The following MSL2 variants were observed in gnomAD, a reference collection of about 807,000 sequenced individuals.
MSL2 encodes E3 ubiquitin-protein ligase MSL2.
MSL2 carries 2 observed loss-of-function variants against 35.8 expected under a neutral mutation model. The observed-to-expected ratio is 0.06, with a 90% confidence interval of 0.02 to 0.18. MSL2 has a LOEUF of 0.18. Among genes scored for constraint, MSL2 ranks in the 10% least tolerant of loss-of-function variants. MSL2 has a pLI of 1.00. For missense variants in MSL2, 523 were observed against 706.7 expected (o/e 0.74, Z 2.95); for synonymous variants, 296 against 255.7 (o/e 1.16, Z -1.50).
Position 136,195,320 on chromosome 3 carries a change from G to A in MSL2, c.-207C>T, listed in dbSNP as rs938615719. 17 of 1,361,510 alleles carry A rather than the reference G, an allele frequency of 1.2e-5. No individual in the cohort carries two copies. In the African/African-American group the frequency reaches 1.3e-4, roughly 11 times the overall value. The allele number at this position is 1,361,510 out of a possible 1,614,324, so 84.3% of individuals were successfully genotyped here. A position where few individuals can be genotyped will look rare whatever the true frequency, so the allele number is the denominator to read the frequency against. Reference sequence around the variant, plus strand: ...GGGGCCTTGGCGCCCCTCCGTCCCTGAGACTTCCAGACCAAAAATATGAGA... The same window carrying A: ...GGGGCCTTGGCGCCCCTCCGTCCCTAAGACTTCCAGACCAAAAATATGAGA... On this transcript the variant is annotated 5_prime_UTR_variant, in exon 1 of 2. Transcript: ENST00000309993.
chr3:136,172,430 C>T (rs1940054335), intron 1 of MSL2, among the ~76,000 whole-genome samples: 4 of 152,220 alleles, frequency 2.6e-5, no homozygotes, highest in Admixed American at 2.0e-4. Context: ...CCACCTTCAA[C>T]CTTCCTTCCT....
intron 1 of MSL2, among the ~76,000 whole-genome samples, chr3:136,154,503 G>A (rs536469685): frequency 4.9e-4 from 75 of 151,620 alleles, no homozygotes; most frequent in Non-Finnish European, 3.2e-4. Flanking sequence ...ATTACCCAAA[G>A]CGGTACCTCT....
chr3:136,156,239 G>C (rs1939517454), intron 1 of MSL2, among the ~76,000 whole-genome samples: 1 of 152,150 alleles, frequency 6.6e-6, no homozygotes, highest in Non-Finnish European at 1.5e-5. Flanking sequence ...GAGTACAGCT[G>C]ATCAAAATCA....
chr3:136,180,392 T>C (rs1221474977), intron 1 of MSL2, among the ~76,000 whole-genome samples: 1 of 152,038 alleles, frequency 6.6e-6, no homozygotes, highest in East Asian at 1.9e-4. Context: ...CTTTTTGAAA[T>C]ATTACCAAGG....
At chr3:136,164,718 G>C (rs1028983420) in intron 1 of MSL2, among the ~76,000 whole-genome samples, 1 of 152,096 alleles carries the variant, frequency 6.6e-6, no homozygotes, top group South Asian at 2.1e-4. Flanking sequence ...AAAATAAAAT[G>C]GATGGGCAAT....
intron 1 of MSL2, among the ~76,000 whole-genome samples, chr3:136,189,627 G>A (rs1940626801): frequency 6.6e-6 from 1 of 151,036 alleles, no homozygotes; most frequent in East Asian, 2.0e-4. Context: ...AGGAGGCTGA[G>A]GCAGGAGAAT....
rs540577071 is a variant in MSL2 at position 136,192,124 on chromosome 3, G to GT, written c.142+2847dup. 2.2e-3 allele frequency among the ~76,000 whole-genome samples: 335 copies of GT among 152,330 alleles called. 1 individual carries two copies. The highest frequency in any genetic ancestry group is 7.7e-3 in the African/African-American group (318 of 41,568). The stretch of plus-strand genomic sequence containing the variant: ...AAATCTGCACTCAAAGGAGATATAA[G>GT]TATCTTATGACTGGAACAAAGGTTT... On this transcript the variant is annotated intron_variant, in intron 1 of 1. Transcript: ENST00000309993.
intron 1 of MSL2, among the ~76,000 whole-genome samples, chr3:136,189,721 CAA>C (rs375444164): frequency 3.6e-4 from 18 of 50,202 alleles, no homozygotes; most frequent in Admixed American, 7.0e-4. Flanking sequence ...GACGCCGTCT[CAA>C]AAAAAAAAAA....
intron 1 of MSL2, among the ~76,000 whole-genome samples, chr3:136,192,470 A>G (rs1940718162): frequency 6.6e-6 from 1 of 152,158 alleles, no homozygotes; most frequent in African/African-American, 2.4e-5. Flanking sequence ...CCTGGCCAGA[A>G]GTAACTTTTT....
At chr3:136,191,354 G>C (rs979600243) in intron 1 of MSL2, among the ~76,000 whole-genome samples, 2 of 151,696 alleles carry the variant, frequency 1.3e-5, no homozygotes, top group Non-Finnish European at 2.9e-5. Context: ...GTAATCCCAA[G>C]CTACTCGGGA....
intron 1 of MSL2, among the ~76,000 whole-genome samples, chr3:136,194,201 G>GC (rs1472038755): frequency 2.0e-5 from 3 of 152,066 alleles, no homozygotes; most frequent in Non-Finnish European, 4.4e-5. Context: ...TATTACACAC[G>GC]CACAGTTAAC....
chr3:136,190,971 T>G (rs1043991437), intron 1 of MSL2, among the ~76,000 whole-genome samples: 3 of 152,104 alleles, frequency 2.0e-5, no homozygotes, highest in Non-Finnish European at 4.4e-5. Flanking sequence ...AAACAAGCAG[T>G]GATAATCAGC....
intron 1 of MSL2, among the ~76,000 whole-genome samples, chr3:136,156,960 A>G (rs1201533337): frequency 6.6e-6 from 1 of 152,238 alleles, no homozygotes; most frequent in Non-Finnish European, 1.5e-5. Flanking sequence ...TTAGTTGTAA[A>G]CCGAGTGATA....
Position 136,152,128 on chromosome 3 carries a change from A to G in MSL2, c.753T>C (p.Ile251=), listed in dbSNP as rs1290203001. Residue 251 remains isoleucine, a synonymous_variant, in exon 2 of 2, where the codon ATT becomes ATC. Coordinates refer to ENST00000309993, the MANE Select transcript of MSL2 (RefSeq NM_018133.4). The part of the protein sequence containing the change: ...TVATDLCSTG[I]DICSFSEDIK... The stretch of plus-strand genomic sequence containing the variant: ...TATCTTCACTGAAACTGCAGATATC[A>G]ATGCCTGTGGAACATAAGTCAGTGG... 2 of 1,614,202 alleles carry G rather than the reference A, an allele frequency of 1.2e-6. No individual in the cohort carries two copies. Among genetic ancestry groups the G allele is most frequent in the Non-Finnish European group, 1.7e-6 (2 of 1,180,034 alleles).
rs574227570 is a variant in MSL2 at position 136,177,402 on chromosome 3, C to T, written c.142+17570G>A. ...TAAAAATAATGCTACAGGCCGGGCACGGTGGTTCATGCCTGTAATCCCAGC... is the reference window on the plus strand; with the variant it reads ...TAAAAATAATGCTACAGGCCGGGCATGGTGGTTCATGCCTGTAATCCCAGC... On this transcript the variant is annotated intron_variant, in intron 1 of 1. Coordinates refer to ENST00000309993, the MANE Select transcript of MSL2 (RefSeq NM_018133.4). Among the ~76,000 whole-genome samples the T allele has an allele frequency of 4.6e-5, 7 of 152,178 alleles. No homozygotes were observed. The South Asian group carries it at 6.2e-4, about 14-fold the overall frequency.
chr3:136,173,106 T>A (rs987264428), intron 1 of MSL2, among the ~76,000 whole-genome samples: 4 of 152,186 alleles, frequency 2.6e-5, no homozygotes, highest in Non-Finnish European at 5.9e-5. Context: ...GAGGTTGCAG[T>A]GAGCTGAGAT....
intron 1 of MSL2, chr3:136,194,528 C>G (rs1171815437): frequency 3.9e-6 from 3 of 760,360 alleles, no homozygotes; most frequent in Non-Finnish European, 4.8e-6. Context: ...ATCAGCTTAG[C>G]CCACCACTCC....
chr3:136,193,953 A>G (rs1044436543), intron 1 of MSL2, among the ~76,000 whole-genome samples: 1 of 152,172 alleles, frequency 6.6e-6, no homozygotes, highest in Non-Finnish European at 1.5e-5. Flanking sequence ...CCTCAAATGA[A>G]TATTATTTCT....
At chr3:136,171,691 G>T (rs954894788) in intron 1 of MSL2, among the ~76,000 whole-genome samples, 4 of 151,968 alleles carry the variant, frequency 2.6e-5, no homozygotes, top group African/African-American at 9.7e-5. Context: ...AAGTGATTTG[G>T]CCCTCAGTTT....
Sources: allele counts gnomAD v4.1 joint callset (sites outside exome capture counted in the v4.1 genomes callset), GRCh38; gene constraint gnomAD v4.1.1; transcripts MANE v1.5; gene names NCBI Gene and HGNC (gene_info 2026-07-23, HGNC 2026-07-21).